The following CCDC3 variants were observed in gnomAD, a reference collection of about 807,000 sequenced individuals.
CCDC3 encodes the protein coiled-coil domain containing 3.
CCDC3 carries 24 observed loss-of-function variants against 21.4 expected under a neutral mutation model. The ratio of observed to expected loss-of-function variants is 1.12; its 90% CI spans 0.81 to 1.58. The LOEUF (loss-of-function observed/expected upper bound fraction) is 1.58. CCDC3 is among the 40% of genes most tolerant of loss of function. The pLI, the probability that CCDC3 is intolerant of heterozygous loss-of-function variation, is 0.00. For missense variants in CCDC3, 425 were observed against 360.9 expected (o/e 1.18, Z -1.44); for synonymous variants, 186 against 166.0 (o/e 1.12, Z -0.93).
intron 2 of CCDC3, among the ~76,000 whole-genome samples, chr10:12,966,049 C>G (rs545174540): frequency 6.6e-5 from 10 of 152,132 alleles, no homozygotes; most frequent in African/African-American, 2.4e-4. Context: ...AAGCCTTTCA[C>G]GAGATGTTCC....
intron 2 of CCDC3, among the ~76,000 whole-genome samples, chr10:12,973,852 G>A (rs1351567033): frequency 2.0e-5 from 3 of 152,212 alleles, no homozygotes; most frequent in African/African-American, 7.2e-5. Context: ...CAAGTAGTGT[G>A]ATGTGGTTTT....
At chr10:12,946,629 C>A (rs1372686787) in intron 2 of CCDC3, among the ~76,000 whole-genome samples, 1 of 152,126 alleles carries the variant, frequency 6.6e-6, no homozygotes, top group Non-Finnish European at 1.5e-5. Flanking sequence ...CTGAGTGGTG[C>A]CCGATTCATG....
At chr10:12,949,350 A>C (rs1010591375) in intron 2 of CCDC3, among the ~76,000 whole-genome samples, 2 of 152,198 alleles carry the variant, frequency 1.3e-5, no homozygotes, top group Non-Finnish European at 2.9e-5. Flanking sequence ...AAAGGGAAAA[A>C]GCATGTCCTT....
chr10:13,029,333 C>T (rs760904906), intron 5 of CCDC3, among the ~76,000 whole-genome samples: 4 of 152,108 alleles, frequency 2.6e-5, no homozygotes, highest in Non-Finnish European at 5.9e-5. Context: ...CTCATCTGTA[C>T]GTCACCATGA....
chr10:13,060,616 T>C (rs1453151668), intron 4 of CCDC3, among the ~76,000 whole-genome samples: 2 of 152,202 alleles, frequency 1.3e-5, no homozygotes, highest in African/African-American at 4.8e-5. Flanking sequence ...GCAATCCTCC[T>C]GCCTCAGCCT....
At chr10:13,074,128 A>AATATATATATATATATAT (rs1271921492) in intron 3 of CCDC3, 1 of 103,304 alleles carries the variant, frequency 9.7e-6, no homozygotes, top group African/African-American at 3.9e-5. Context: ...AGAGGAATCA[A>AATATATATATATATATAT]ATATATATAT....
chr10:13,079,933 A>T (rs1320604196), intron 3 of CCDC3, among the ~76,000 whole-genome samples: 1 of 152,170 alleles, frequency 6.6e-6, no homozygotes, highest in African/African-American at 2.4e-5. Flanking sequence ...AAGAAAGGGA[A>T]CTCAAGAATG....
intron 5 of CCDC3, among the ~76,000 whole-genome samples, chr10:13,047,491 C>T (rs573773086): frequency 3.9e-5 from 6 of 152,314 alleles, no homozygotes; most frequent in Admixed American, 3.9e-4. Context: ...CTGCCTCTTA[C>T]AGATTCACAA....
At chr10:12,929,120 G>A (rs973678053) in intron 2 of CCDC3, among the ~76,000 whole-genome samples, 6 of 151,974 alleles carry the variant, frequency 3.9e-5, no homozygotes, top group African/African-American at 1.5e-4. Context: ...AAATTAGCTG[G>A]GCGCGATGGC....
chr10:12,903,733 A>T (rs1340540380), intron 2 of CCDC3, among the ~76,000 whole-genome samples: 6 of 152,232 alleles, frequency 3.9e-5, no homozygotes, highest in African/African-American at 9.6e-5. Flanking sequence ...AGATGGGAAG[A>T]TTGCCCTGGG....
At chr10:13,080,970 G>C (rs540700194) in intron 3 of CCDC3, among the ~76,000 whole-genome samples, 10 of 152,246 alleles carry the variant, frequency 6.6e-5, no homozygotes, top group Admixed American at 5.9e-4. Context: ...CCTCGAGAGA[G>C]GGGCAGGGCC....
chr10:12,939,488 T>C (rs1014628319), intron 2 of CCDC3, among the ~76,000 whole-genome samples: 2 of 152,132 alleles, frequency 1.3e-5, no homozygotes, highest in African/African-American at 4.8e-5. Flanking sequence ...CTAGGCATAG[T>C]GGCATGCACC....
At chr10:13,062,955 C>G (rs1836775701) in intron 4 of CCDC3, among the ~76,000 whole-genome samples, 1 of 150,528 alleles carries the variant, frequency 6.6e-6, no homozygotes, top group Non-Finnish European at 1.5e-5. Context: ...AAGAAGACAG[C>G]TGACTCACGG....
At chr10:12,972,899 T>C (rs1835363610) in intron 2 of CCDC3, among the ~76,000 whole-genome samples, 2 of 152,210 alleles carry the variant, frequency 1.3e-5, no homozygotes, top group Non-Finnish European at 1.5e-5. Context: ...TGCAGTGATG[T>C]AGTAGAAAGA....
At chr10:12,966,824 G>A (rs894006942) in intron 2 of CCDC3, among the ~76,000 whole-genome samples, 6 of 152,196 alleles carry the variant, frequency 3.9e-5, no homozygotes, top group African/African-American at 1.4e-4. Flanking sequence ...AAATGAAGAG[G>A]TTTAACCATA....
intron 2 of CCDC3, among the ~76,000 whole-genome samples, chr10:12,966,518 T>C (rs1006563317): frequency 6.6e-6 from 1 of 152,140 alleles, no homozygotes; most frequent in Non-Finnish European, 1.5e-5. Context: ...CTCTCCCCTT[T>C]TCCTCTTGGG....
At chr10:12,899,243 A>C (rs916586746) in intron 2 of CCDC3, among the ~76,000 whole-genome samples, 3 of 152,314 alleles carry the variant, frequency 2.0e-5, no homozygotes, top group Admixed American at 1.3e-4. Flanking sequence ...TAAACGCATG[A>C]AAAGATGCTT....
chr10:13,056,531 C>A (rs1269064690), intron 4 of CCDC3, among the ~76,000 whole-genome samples: 1 of 152,144 alleles, frequency 6.6e-6, no homozygotes, highest in Non-Finnish European at 1.5e-5. Context: ...CACACTCAAG[C>A]CTGGGAAGAG....
chr10:13,079,714 C>G (rs1837011044), intron 3 of CCDC3, among the ~76,000 whole-genome samples: 1 of 152,116 alleles, frequency 6.6e-6, no homozygotes, highest in Non-Finnish European at 1.5e-5. Flanking sequence ...AAAGGATATT[C>G]AAAACTTCCC....
Sources: gnomAD v4.1 joint callset for allele counts (sites outside exome capture counted in the v4.1 genomes callset) on GRCh38, gnomAD v4.1.1 for gene constraint, MANE v1.5 for transcripts, NCBI Gene and HGNC (gene_info 2026-07-23, HGNC 2026-07-21) for gene names.